The following NFS1 variants were observed in gnomAD, a reference collection of about 807,000 sequenced individuals.
NFS1 encodes the protein cysteine desulfurase.
Under a neutral mutation model 57.3 loss-of-function variants are expected in NFS1, and 26 were observed. That is an observed-to-expected ratio of 0.45 (90% CI 0.33 to 0.63). The LOEUF is 0.63. NFS1 is among the 20% of genes least tolerant of loss of function. The pLI is 0.02. For missense variants in NFS1, 505 were observed against 605.8 expected (o/e 0.83, Z 1.75); for synonymous variants, 209 against 216.3 (o/e 0.97, Z 0.30).
intron 6 of NFS1, 78 bp from the exon 7 acceptor site, chr20:35,680,949 A>C: frequency 8.8e-7 from 1 of 1,139,872 alleles, no homozygotes; most frequent in Non-Finnish European, 1.2e-6. Flanking sequence ...ACTGTGAATT[A>C]TCTCCAATAG....
In NFS1 at chr20:35,699,026, C is replaced by T; in HGVS notation, c.97+166G>A. The T allele has an allele frequency of 7.6e-7, 1 of 1,323,422 alleles. No individual in the cohort carries two copies. Among genetic ancestry groups the T allele is most frequent in the Non-Finnish European group, 9.6e-7 (1 of 1,039,936 alleles). 82.0% of individuals were successfully genotyped at this position (1,323,422 alleles called of 1,614,324 possible). A position where few individuals can be genotyped will look rare whatever the true frequency, so the allele number is the denominator to read the frequency against. ...GGTGCGAGGGGTGGTGCGCCGGGGT[C>T]AACCGTTCGGGGACCCGCCTAAGAA... is the stretch of plus-strand genomic sequence containing the variant. On this transcript the variant is annotated intron_variant, in intron 1 of 12. Transcript: ENST00000374092. The surrounding 1 kb of genome is among the most constrained non-coding windows in gnomAD (Gnocchi z 4.4).
Position 35,699,102 on chromosome 20 carries a change from G to A in NFS1, c.97+90C>T, listed in dbSNP as rs2035196926. The A allele has an allele frequency of 7.4e-7, 1 of 1,353,558 alleles. No homozygotes were observed. The highest frequency in any genetic ancestry group is 1.8e-5 in the South Asian group (1 of 54,604). 83.8% of individuals were successfully genotyped at this position (1,353,558 alleles called of 1,614,324 possible). A position where few individuals can be genotyped will look rare whatever the true frequency, so the allele number is the denominator to read the frequency against. On this transcript the variant is annotated intron_variant, in intron 1 of 12. Coordinates refer to ENST00000374092, the MANE Select transcript of NFS1 (RefSeq NM_021100.5). The surrounding 1 kb of genome is among the most constrained non-coding windows in gnomAD (Gnocchi z 4.4). ...GAAGGGTCAGAGGGTCTGGGCAGCAGGGTGGACAGGAAGGCTCCGGAATAT... is the reference window on the plus strand; with the variant it reads ...GAAGGGTCAGAGGGTCTGGGCAGCAAGGTGGACAGGAAGGCTCCGGAATAT...
At chr20:35,670,880 G>C (rs1412276457) in intron 12 of NFS1, among the ~76,000 whole-genome samples, 29 of 152,152 alleles carry the variant, frequency 1.9e-4, no homozygotes. Context: ...CCAGAACACA[G>C]AAAGGCCTGG....
At position 35,697,803 on chromosome 20, in the gene NFS1, GAACAC is replaced by G. The variant is rs2035163816; in HGVS notation, c.208-8_208-4del. 6.3e-7 allele frequency: 1 copy of G among 1,578,614 alleles called. No individual in the cohort carries two copies. The highest frequency in any genetic ancestry group is 1.4e-5 in the African/African-American group (1 of 73,820). ...ATGGCATCAAGCACCCGGGGGTCCT[GAACAC>G]AACAGAACAGATCATTTTCCTTGAG... On this transcript the variant is annotated splice_polypyrimidine_tract_variant and splice_region_variant and intron_variant, in intron 2 of 12. Coordinates refer to ENST00000374092, the MANE Select transcript of NFS1 (RefSeq NM_021100.5).
Position 35,696,352 on chromosome 20 carries a change from ACACCCT to A in NFS1, c.408+19_408+24del. The A allele has an allele frequency of 6.5e-7, 1 of 1,540,912 alleles. No homozygotes were observed. Among genetic ancestry groups the A allele is most frequent in the Non-Finnish European group, 9.0e-7 (1 of 1,113,360 alleles). ...TCTCCTAGGTCAGGAAAGCCCACAT[ACACCCT>A]CTGGTTCCCTTCTCTTACCTTAATT... On this transcript the variant is annotated intron_variant, in intron 4 of 12. Coordinates refer to ENST00000374092, the MANE Select transcript of NFS1 (RefSeq NM_021100.5).
At chr20:35,681,082 T>C (rs987063719) in intron 6 of NFS1, among the ~76,000 whole-genome samples, 10 of 151,892 alleles carry the variant, frequency 6.6e-5, no homozygotes, top group African/African-American at 2.4e-4. Flanking sequence ...TTCCCTTCTT[T>C]AGAATAAAAA....
intron 5 of NFS1, among the ~76,000 whole-genome samples, chr20:35,686,577 C>G (rs2034948468): frequency 6.6e-6 from 1 of 152,004 alleles, no homozygotes. Context: ...CTCTGAATAT[C>G]AGGCAAAATG....
At chr20:35,698,752 G>A (rs2035188106) in intron 1 of NFS1, 162 bp from the exon 2 acceptor site, 1 of 1,414,330 alleles carries the variant, frequency 7.1e-7, no homozygotes. Context: ...TACCTGACAC[G>A]CTGTAAAAGG....
intron 4 of NFS1, chr20:35,694,700 TA>T (rs1386054536): frequency 1.3e-5 from 2 of 152,084 alleles, no homozygotes; most frequent in Non-Finnish European, 2.9e-5. Context: ...CCATTCTGGC[TA>T]ACACAGTGAA....
At chr20:35,695,526 C>T (rs977978500) in intron 4 of NFS1, among the ~76,000 whole-genome samples, 4 of 152,164 alleles carry the variant, frequency 2.6e-5, no homozygotes, top group Non-Finnish European at 5.9e-5. Context: ...CTTGCATTAG[C>T]ACCAAAGATC....
chr20:35,674,665 A>C, intron 8 of NFS1, 48 bp from the exon 9 acceptor site: 7 of 1,443,374 alleles, frequency 4.8e-6, no homozygotes, highest in Non-Finnish European at 5.9e-6. Context: ...TAACCAGCTC[A>C]GAAAGACAGT....
At chr20:35,670,801 A>C (rs1410989207) in intron 12 of NFS1, among the ~76,000 whole-genome samples, 1 of 152,246 alleles carries the variant, frequency 6.6e-6, no homozygotes, top group Non-Finnish European at 1.5e-5. Flanking sequence ...GTGAGGACAA[A>C]GGAAGGGTCC....
At chr20:35,692,826 A>G (rs6058301) in intron 4 of NFS1, among the ~76,000 whole-genome samples, 5 of 152,024 alleles carry the variant, frequency 3.3e-5, no homozygotes, top group African/African-American at 1.2e-4. Flanking sequence ...ACATGGCGAA[A>G]CCCCGTCTCT....
intron 4 of NFS1, among the ~76,000 whole-genome samples, chr20:35,695,221 C>G (rs1049925411): frequency 3.3e-5 from 5 of 152,198 alleles, no homozygotes; most frequent in Non-Finnish European, 7.3e-5. Context: ...CACCCCGACT[C>G]TCTGGTCTCT....
intron 4 of NFS1, among the ~76,000 whole-genome samples, chr20:35,690,968 T>C (rs6060560): frequency 0.15 from 23,291 of 152,146 alleles, 1,786 homozygotes; most frequent in Middle Eastern, 0.19. Context: ...CTTTGGGTGA[T>C]AATGATGTAT....
intron 6 of NFS1, 32 bp downstream of exon 6, chr20:35,681,856 G>T (rs759765571): frequency 1.6e-6 from 2 of 1,261,982 alleles, no homozygotes; most frequent in African/African-American, 1.5e-5. Context: ...CCCCATGGTG[G>T]GCAGGGATCA....
chr20:35,678,988 G>A (rs2034803143), intron 7 of NFS1, among the ~76,000 whole-genome samples: 1 of 152,138 alleles, frequency 6.6e-6, no homozygotes, highest in Admixed American at 6.6e-5. Context: ...AACAGCAAGT[G>A]CTCAAATACC....
At chr20:35,674,723 A>AC in intron 8 of NFS1, 106 bp from the exon 9 acceptor site, 1 of 881,796 alleles carries the variant, frequency 1.1e-6, no homozygotes, top group Non-Finnish European at 1.8e-6. Context: ...TATCAGCCCC[A>AC]CCTATCATCC....
chr20:35,696,591 T>G, intron 3 of NFS1, 131 bp from the exon 4 acceptor site: 1 of 639,106 alleles, frequency 1.6e-6, no homozygotes. Flanking sequence ...GATGAAGGTC[T>G]GCACCTACAA....
Sources: allele counts gnomAD v4.1 joint callset (sites outside exome capture counted in the v4.1 genomes callset), GRCh38; gene constraint gnomAD v4.1.1; non-coding constraint Gnocchi (gnomAD v3.1); transcripts MANE v1.5; gene names NCBI Gene and HGNC (gene_info 2026-07-23, HGNC 2026-07-21).